The following MANBA variants were observed in gnomAD, a reference collection of about 807,000 sequenced individuals.
The protein encoded by MANBA is beta-mannosidase.
MANBA carries 83 observed loss-of-function variants against 111.1 expected under a neutral mutation model. That is an observed-to-expected ratio of 0.75 (90% CI 0.63 to 0.90). The LOEUF is 0.90. MANBA is among the 40% of genes least tolerant of loss of function. MANBA has a pLI of 0.00. For synonymous variants in MANBA, 370 were observed against 378.7 expected (o/e 0.98, Z 0.27); for missense variants, 1,036 against 1,069.0 (o/e 0.97, Z 0.43).
chr4:102,751,652 A>G, intron 1 of MANBA: 1 of 542,208 alleles, frequency 1.8e-6, no homozygotes, highest in Non-Finnish European at 3.8e-6. Context: ...TGGAAATAGA[A>G]TATGTGAAGT....
intron 1 of MANBA, among the ~76,000 whole-genome samples, chr4:102,759,736 G>C (rs1410452851): frequency 6.6e-6 from 1 of 152,144 alleles, no homozygotes; most frequent in Admixed American, 6.5e-5. Context: ...ATAGTATAGA[G>C]ACCAGGCTAT....
intron 7 of MANBA, among the ~76,000 whole-genome samples, chr4:102,679,066 T>C (rs1731849337): frequency 1.3e-5 from 2 of 152,216 alleles, no homozygotes; most frequent in Non-Finnish European, 2.9e-5. Context: ...AAACACTGCA[T>C]TTCTGTCTTT....
intron 5 of MANBA, among the ~76,000 whole-genome samples, chr4:102,702,430 G>C (rs1733100586): frequency 6.6e-6 from 1 of 152,118 alleles, no homozygotes; most frequent in Admixed American, 6.6e-5. Context: ...GAGGAGAGGT[G>C]CTCTGCTTTT....
chr4:102,744,623 A>T (rs1269430824), intron 1 of MANBA, among the ~76,000 whole-genome samples: 2 of 152,220 alleles, frequency 1.3e-5, no homozygotes, highest in Non-Finnish European at 2.9e-5. Flanking sequence ...TAATTTGCTC[A>T]AGCAATGAAA....
At chr4:102,700,284 T>G (rs1213025645) in intron 5 of MANBA, among the ~76,000 whole-genome samples, 4,044 of 152,094 alleles carry the variant, frequency 0.027, 53 homozygotes, top group African/African-American at 0.074. Flanking sequence ...GGTCTATCAA[T>G]TTTGTTGATC....
chr4:102,663,257 T>TAA (rs1208992403), intron 11 of MANBA, among the ~76,000 whole-genome samples: 2 of 152,160 alleles, frequency 1.3e-5, no homozygotes, highest in Non-Finnish European at 2.9e-5. Flanking sequence ...TAACAGCTCT[T>TAA]AAAAGTTAGC....
chr4:102,657,308 A>C (rs1253733792), intron 12 of MANBA, among the ~76,000 whole-genome samples: 1 of 151,892 alleles, frequency 6.6e-6, no homozygotes, highest in Non-Finnish European at 1.5e-5. Flanking sequence ...AGGTTTATTT[A>C]TCACATTTAC....
chr4:102,750,930 A>G (rs1723766923), intron 1 of MANBA, among the ~76,000 whole-genome samples: 1 of 152,146 alleles, frequency 6.6e-6, no homozygotes, highest in African/African-American at 2.4e-5. Context: ...AAAAAAAATG[A>G]TAACAAAACA....
intron 6 of MANBA, among the ~76,000 whole-genome samples, 178 bp downstream of exon 6, chr4:102,690,418 A>G (rs1423872569): frequency 6.6e-6 from 1 of 152,208 alleles, no homozygotes; most frequent in Non-Finnish European, 1.5e-5. Flanking sequence ...GTTTGGGAAA[A>G]TCATTCTTTA....
chr4:102,731,455 T>A (rs998860814), intron 1 of MANBA, among the ~76,000 whole-genome samples: 1 of 152,148 alleles, frequency 6.6e-6, no homozygotes, highest in African/African-American at 2.4e-5. Flanking sequence ...ATGAAAAGGA[T>A]CTCTACAGAG....
intron 5 of MANBA, among the ~76,000 whole-genome samples, chr4:102,693,428 A>G (rs961606653): frequency 1.3e-4 from 20 of 152,208 alleles, no homozygotes; most frequent in Non-Finnish European, 2.9e-4. Context: ...TTGCAGCCTT[A>G]TAAGAAGAGG....
rs762482379 is a variant in MANBA, at chr4:102,722,887, A to G, written c.533T>C (p.Val178Ala). 9.3e-6 allele frequency: 15 copies of G among 1,614,088 alleles called. No individual in the cohort carries two copies. The highest frequency in any genetic ancestry group is 1.2e-5 in the Non-Finnish European group (14 of 1,180,036). Reference protein sequence around the residue: ...PPLVQKGECHVNFVRKEQCSF... With the variant: ...PPLVQKGECHANFVRKEQCSF... ...GACCATTACCTTCCGAACAAAGTTG[A>G]CATGGCATTCACCCTTCTGCACAAG... The change falls in exon 4 of 17, where the codon GTC becomes GCC. Residue 178 changes from valine to alanine, a missense_variant. Physicochemically the swap from Val to Ala is moderately conservative, Grantham distance 64. Transcript: ENST00000647097.
At chr4:102,712,909 A>G (rs951015595) in intron 5 of MANBA, among the ~76,000 whole-genome samples, 1 of 152,152 alleles carries the variant, frequency 6.6e-6, no homozygotes, top group Non-Finnish European at 1.5e-5. Context: ...GGGAGATTAA[A>G]CCATTATTTG....
intron 13 of MANBA, among the ~76,000 whole-genome samples, chr4:102,641,596 T>C (rs1448322154): frequency 6.6e-6 from 1 of 152,152 alleles, no homozygotes; most frequent in East Asian, 1.9e-4. Flanking sequence ...GAAAAAATGT[T>C]CTAAAGCAAG....
intron 7 of MANBA, among the ~76,000 whole-genome samples, chr4:102,678,085 T>C (rs1731803511): frequency 1.3e-5 from 2 of 152,142 alleles, no homozygotes; most frequent in African/African-American, 4.8e-5. Flanking sequence ...TATTTGTTTC[T>C]TAATATACAT....
intron 7 of MANBA, among the ~76,000 whole-genome samples, chr4:102,688,771 C>T (rs1295200547): frequency 6.6e-6 from 1 of 152,080 alleles, no homozygotes; most frequent in African/African-American, 2.4e-5. Flanking sequence ...GTGCTATATC[C>T]TAAAATGGGT....
intron 1 of MANBA, among the ~76,000 whole-genome samples, chr4:102,754,575 G>C (rs1286400444): frequency 6.8e-6 from 1 of 146,946 alleles, no homozygotes; most frequent in African/African-American, 2.5e-5. Flanking sequence ...TTTTTTTTTT[G>C]AGATGTAGTC....
At chr4:102,754,015 AAAG>A (rs1560816747) in intron 1 of MANBA, 9 of 351,084 alleles carry the variant, frequency 2.6e-5, no homozygotes, top group Admixed American at 4.1e-5. Context: ...AAAAAAAAAA[AAAG>A]AAAAAAAAAA....
chr4:102,705,093 G>A (rs138580067), intron 5 of MANBA, among the ~76,000 whole-genome samples: 1 of 152,270 alleles, frequency 6.6e-6, no homozygotes, highest in Non-Finnish European at 1.5e-5. Flanking sequence ...AACACCTAAG[G>A]TAAGGAAGGA....
Sources: gnomAD v4.1 joint callset for allele counts (sites outside exome capture counted in the v4.1 genomes callset) on GRCh38, gnomAD v4.1.1 for gene constraint, MANE v1.5 for transcripts, NCBI Gene and HGNC (gene_info 2026-07-23, HGNC 2026-07-21) for gene names.